NIM1K: variants seen among roughly 807,000 people sequenced by gnomAD.
NIM1K encodes the protein NIM1 serine/threonine protein kinase, also known as serine/threonine-protein kinase NIM1.
In NIM1K, 35 loss-of-function variants were observed where a neutral mutation model predicts 37.1. The observed-to-expected ratio is 0.94, with a 90% CI of 0.72 to 1.25. The LOEUF (loss-of-function observed/expected upper bound fraction) is 1.25. Ranked by LOEUF, NIM1K falls within the 50% of genes most tolerant of loss-of-function variation. The pLI, the probability that NIM1K is intolerant of heterozygous loss-of-function variation, is 0.00. For missense variants in NIM1K, 564 were observed against 548.0 expected (o/e 1.03, Z -0.29); for synonymous variants, 234 against 206.6 (o/e 1.13, Z -1.14).
intron 2 of NIM1K, among the ~76,000 whole-genome samples, chr5:43,271,364 C>G (rs988853078): frequency 5.3e-5 from 8 of 151,416 alleles, no homozygotes; most frequent in Non-Finnish European, 1.2e-4. Context: ...CAAGATGATT[C>G]ACTGGGATGA....
In NIM1K at chr5:43,217,910, C is replaced by T. The variant is rs536863896; in HGVS notation, c.-695+25499C>T. 8.5e-5 allele frequency among the ~76,000 whole-genome samples: 13 copies of T among 152,152 alleles called. No homozygotes were observed. The South Asian group carries it at 2.7e-3, about 32-fold the overall frequency. ...TATTTTTAGTGGAGACAGCATTTCA[C>T]CATTTTGGCCAGGCTGGTCTTGAAC... On this transcript the variant is annotated intron_variant, in intron 1 of 3. Coordinates refer to ENST00000326035, the MANE Select transcript of NIM1K (RefSeq NM_153361.4).
At chr5:43,243,938 C>T (rs933573025) in intron 1 of NIM1K, among the ~76,000 whole-genome samples, 3 of 152,196 alleles carry the variant, frequency 2.0e-5, no homozygotes, top group African/African-American at 7.2e-5. Flanking sequence ...TGGTCTCTAA[C>T]CTAGAGATGT....
In NIM1K at chr5:43,198,207, C is replaced by CTCTTTCTTTCTTTCTTTCCT. The variant is rs1751957547; in HGVS notation, c.-695+5814_-695+5815insCTTCTTTCTTTCTTTCTTTC. The stretch of plus-strand genomic sequence containing the variant: ...TCTTTCTTTCTTTCTTTCTTTCTTT[C>CTCTTTCTTTCTTTCTTTCCT]TCTTTCTTTCTTTCTTTCTTTCTTT... On this transcript the variant is annotated intron_variant, in intron 1 of 3. Transcript: ENST00000326035. Among the ~76,000 whole-genome samples, 22 of 48,902 alleles carry CTCTTTCTTTCTTTCTTTCCT rather than the reference C, an allele frequency of 4.5e-4. No individual in the cohort carries two copies. The East Asian group carries it at 0.01, about 23-fold the overall frequency. The allele number at this position is 48,902 out of a possible 152,430, so 32.1% of individuals were successfully genotyped here.
chr5:43,198,723 G>A (rs1038186978), intron 1 of NIM1K, among the ~76,000 whole-genome samples: 1 of 152,176 alleles, frequency 6.6e-6, no homozygotes, highest in African/African-American at 2.4e-5. Context: ...TCTGTTTTGT[G>A]TGAAGCACAG....
chr5:43,277,268 C>G lies in NIM1K; in HGVS notation c.504C>G (p.Leu168=). 1 of 1,614,106 alleles carries G rather than the reference C, an allele frequency of 6.2e-7. No individual in the cohort carries two copies. Among genetic ancestry groups the G allele is most frequent in the Non-Finnish European group, 8.5e-7 (1 of 1,180,002 alleles). The change falls in exon 3 of 4, where the codon CTC becomes CTG. Residue 168 remains leucine (L), a synonymous_variant. Transcript: ENST00000326035. ...LFGKISTEGK[L]SEPESKLIFS... Reference sequence around the variant, plus strand: ...GAAAAATTAGCACTGAGGGGAAGCTCTCTGAACCAGAAAGCAAGCTCATCT... The same window carrying G: ...GAAAAATTAGCACTGAGGGGAAGCTGTCTGAACCAGAAAGCAAGCTCATCT...
Position 43,213,204 on chromosome 5 carries a change from T to C in NIM1K, c.-695+20793T>C, listed in dbSNP as rs544953597. On this transcript the variant is annotated intron_variant, in intron 1 of 3. Coordinates refer to ENST00000326035, the MANE Select transcript of NIM1K (RefSeq NM_153361.4). ...TTCTTTCTTTCTTTCTTTCTTTCTT[T>C]CTTTCTTTCTTTCTTTCTTTCCTTC... Among the ~76,000 whole-genome samples, 12 of 59,624 alleles carry C rather than the reference T, an allele frequency of 2.0e-4. 1 individual carries two copies. The highest frequency in any genetic ancestry group is 5.6e-4 in the African/African-American group (11 of 19,718). The allele number at this position is 59,624 out of a possible 152,430, so 39.1% of individuals were successfully genotyped here. A position where few individuals can be genotyped will look rare whatever the true frequency, so the allele number is the denominator to read the frequency against.
intron 1 of NIM1K, among the ~76,000 whole-genome samples, chr5:43,213,391 A>G (rs1337009778): frequency 1.3e-5 from 2 of 149,062 alleles, no homozygotes; most frequent in African/African-American, 5.0e-5. Flanking sequence ...GCGCAGCGGC[A>G]CGATCTTGGC....
intron 1 of NIM1K, among the ~76,000 whole-genome samples, chr5:43,233,339 T>C (rs2112246116): frequency 6.6e-6 from 1 of 151,740 alleles, no homozygotes; most frequent in South Asian, 2.1e-4. Context: ...TTAACCTTCC[T>C]CTTGTCCCTA....
intron 1 of NIM1K, among the ~76,000 whole-genome samples, chr5:43,205,096 A>G (rs35953019): frequency 0.31 from 46,859 of 152,068 alleles, 7,660 homozygotes; most frequent in Non-Finnish European, 0.34. Context: ...TCACTGACTT[A>G]TGCCATCCCA....
At chr5:43,227,695 T>A (rs896068706) in intron 1 of NIM1K, among the ~76,000 whole-genome samples, 1 of 152,202 alleles carries the variant, frequency 6.6e-6, no homozygotes. Flanking sequence ...TATGAGTTTT[T>A]AAAAAATTTA....
At chr5:43,260,395 T>C (rs1260095934) in intron 2 of NIM1K, among the ~76,000 whole-genome samples, 1 of 152,214 alleles carries the variant, frequency 6.6e-6, no homozygotes, top group Non-Finnish European at 1.5e-5. Flanking sequence ...TTTTGAGTTA[T>C]GTTCCTTCTA....
At chr5:43,208,136 A>G (rs6887169) in intron 1 of NIM1K, among the ~76,000 whole-genome samples, 10,516 of 152,010 alleles carry the variant, frequency 0.069, 752 homozygotes, top group African/African-American at 0.19. Context: ...GTAGATCTTC[A>G]GTTTGAATGT....
At chr5:43,242,847 G>C (rs1331504583) in intron 1 of NIM1K, 1 of 149,934 alleles carries the variant, frequency 6.7e-6, no homozygotes, top group Non-Finnish European at 1.5e-5. Flanking sequence ...TGTCGCCCAC[G>C]CTGGAGTGCA....
At chr5:43,279,906 T>G in intron 3 of NIM1K, 74 bp from the exon 4 acceptor site, 2 of 1,227,046 alleles carry the variant, frequency 1.6e-6, no homozygotes, top group Non-Finnish European at 1.2e-6. Context: ...TCTCACTGTT[T>G]CAGAGCAACT....
At chr5:43,217,498 G>A (rs375752026) in intron 1 of NIM1K, among the ~76,000 whole-genome samples, 5 of 144,966 alleles carry the variant, frequency 3.4e-5, no homozygotes, top group East Asian at 2.0e-4. Context: ...ACCATATTAC[G>A]TTCCAACCAG....
intron 1 of NIM1K, among the ~76,000 whole-genome samples, chr5:43,241,100 TC>T (rs1484357776): frequency 1.3e-5 from 2 of 151,998 alleles, no homozygotes; most frequent in African/African-American, 4.8e-5. Flanking sequence ...AATTCCTGTT[TC>T]CCCATACTAT....
intron 2 of NIM1K, among the ~76,000 whole-genome samples, chr5:43,267,226 T>G (rs754406574): frequency 6.6e-6 from 1 of 152,210 alleles, no homozygotes; most frequent in Non-Finnish European, 1.5e-5. Flanking sequence ...ATTTCTTCTA[T>G]GTTTTTTAGT....
chr5:43,194,390 G>A (rs1274276628), intron 1 of NIM1K, among the ~76,000 whole-genome samples: 1 of 152,174 alleles, frequency 6.6e-6, no homozygotes, highest in African/African-American at 2.4e-5. Flanking sequence ...TAAATGGTAA[G>A]CCTGGAAAAA....
chr5:43,219,068 C>T (rs904745141), intron 1 of NIM1K, among the ~76,000 whole-genome samples: 1 of 152,148 alleles, frequency 6.6e-6, no homozygotes, highest in Admixed American at 6.6e-5. Context: ...TTGCTCAGCA[C>T]TTCTCCTTGC....
Sources: gnomAD v4.1 joint callset for allele counts (sites outside exome capture counted in the v4.1 genomes callset) on GRCh38, gnomAD v4.1.1 for gene constraint, MANE v1.5 for transcripts, NCBI Gene and HGNC (gene_info 2026-07-23, HGNC 2026-07-21) for gene names.